Variants in ANKMY2 observed in about 807,000 individuals in gnomAD.
ANKMY2 encodes ankyrin repeat and MYND domain-containing protein 2.
ANKMY2 carries 36 observed loss-of-function variants against 50.4 expected under a neutral mutation model. That is an observed-to-expected ratio of 0.71 (90% CI 0.55 to 0.94). ANKMY2 has a LOEUF of 0.94. ANKMY2 is among the 40% of genes least tolerant of loss of function. The probability of loss-of-function intolerance (pLI) is 0.00; values close to 1 mark genes in which losing one functional copy is unlikely to be tolerated. For synonymous variants in ANKMY2, 187 were observed against 178.8 expected (o/e 1.05, Z -0.36); for missense variants, 565 against 524.0 (o/e 1.08, Z -0.76).
At chr7:16,605,260 T>C (rs1781135047) in intron 7 of ANKMY2, among the ~76,000 whole-genome samples, 1 of 152,182 alleles carries the variant, frequency 6.6e-6, no homozygotes, top group African/African-American at 2.4e-5. Context: ...TGTTTAACTG[T>C]CTTAATTCTG....
At chr7:16,606,429 TA>T (rs112705631) in intron 7 of ANKMY2, among the ~76,000 whole-genome samples, 17 of 148,454 alleles carry the variant, frequency 1.1e-4, no homozygotes, top group Admixed American at 2.0e-4. Context: ...ACCTTGTATT[TA>T]AAAAAAAAAA....
Position 16,615,865 on chromosome 7 carries a change from G to C in ANKMY2, c.410C>G (p.Pro137Arg). 6.2e-7 allele frequency: 1 copy of C among 1,613,812 alleles called. No individual in the cohort carries two copies. The highest frequency in any genetic ancestry group is 8.5e-7 in the Non-Finnish European group (1 of 1,179,932). Residue 137 changes from proline (P) to arginine (R), a missense_variant, in exon 5 of 10, where the codon CCT becomes CGT. Pro to Arg is a moderately radical substitution (Grantham distance 103, BLOSUM62 -2). Coordinates refer to ENST00000306999, the MANE Select transcript of ANKMY2 (RefSeq NM_020319.3). ...DCVTIINNFF[P>R]RERLDYYTKP... Reference sequence around the variant, plus strand: ...AGTGTAATAATCCAGTCTCTCTCGAGGAAAGAAATTGTTGATTATGGTCAC... The same window carrying C: ...AGTGTAATAATCCAGTCTCTCTCGACGAAAGAAATTGTTGATTATGGTCAC...
chr7:16,625,173 G>T (rs974970942), intron 3 of ANKMY2, 92 bp from the exon 4 acceptor site: 1 of 917,930 alleles, frequency 1.1e-6, no homozygotes, highest in Non-Finnish European at 1.7e-6. Flanking sequence ...TATTCCCCCA[G>T]TTAGTTTTAG....
intron 5 of ANKMY2, among the ~76,000 whole-genome samples, chr7:16,615,329 A>G (rs932720079): frequency 6.6e-6 from 1 of 152,164 alleles, no homozygotes; most frequent in Non-Finnish European, 1.5e-5. Flanking sequence ...TCTCCAGAGG[A>G]CTACCCTCAT....
intron 8 of ANKMY2, among the ~76,000 whole-genome samples, chr7:16,604,265 G>T (rs1781118265): frequency 6.6e-6 from 1 of 152,110 alleles, no homozygotes; most frequent in Non-Finnish European, 1.5e-5. Flanking sequence ...CAGTCCATAG[G>T]GATTAAAGAC....
intron 8 of ANKMY2, among the ~76,000 whole-genome samples, chr7:16,603,920 T>C (rs1178970826): frequency 6.6e-6 from 1 of 152,196 alleles, no homozygotes; most frequent in African/African-American, 2.4e-5. Context: ...ATGATTATCA[T>C]TTTAAGCACT....
intron 6 of ANKMY2, 111 bp downstream of exon 6, chr7:16,610,438 A>G: frequency 1.2e-6 from 1 of 809,486 alleles, no homozygotes; most frequent in Admixed American, 2.9e-5. Flanking sequence ...GAGTCCAACA[A>G]CAGCAATTGC....
chr7:16,621,442 G>C (rs1781433732), intron 4 of ANKMY2, among the ~76,000 whole-genome samples: 1 of 152,086 alleles, frequency 6.6e-6, no homozygotes, highest in Non-Finnish European at 1.5e-5. Context: ...TACCACAAAG[G>C]TGGTATTTCA....
intron 4 of ANKMY2, among the ~76,000 whole-genome samples, chr7:16,616,378 C>T (rs951111522): frequency 1.3e-5 from 2 of 152,080 alleles, no homozygotes; most frequent in Non-Finnish European, 2.9e-5. Context: ...CCCCTACCCC[C>T]TAAATTTGAG....
chr7:16,618,858 C>T (rs1185279015), intron 4 of ANKMY2, among the ~76,000 whole-genome samples: 2 of 151,986 alleles, frequency 1.3e-5, no homozygotes, highest in African/African-American at 2.4e-5. Flanking sequence ...GAAGACAAAC[C>T]GCACATGCTT....
At chr7:16,629,913 G>A (rs1354128641) in intron 2 of ANKMY2, among the ~76,000 whole-genome samples, 1 of 151,994 alleles carries the variant, frequency 6.6e-6, no homozygotes, top group Non-Finnish European at 1.5e-5. Context: ...AAATTTTGAT[G>A]CTCCATAGAG....
At chr7:16,614,636 T>C (rs1781311720) in intron 5 of ANKMY2, among the ~76,000 whole-genome samples, 1 of 152,232 alleles carries the variant, frequency 6.6e-6, no homozygotes, top group South Asian at 2.1e-4. Flanking sequence ...TGAGTGTCAG[T>C]CTTCAGAAGA....
chr7:16,599,845 C>T lies in ANKMY2; in HGVS notation c.*916G>A, dbSNP rs898950722. On this transcript the variant is annotated 3_prime_UTR_variant, in exon 10 of 10. Transcript: ENST00000306999. ...AAACCCAGAAATGCAGCATTATCTTCAGACATCACATTCTAGCTCTGTTTA... is the reference window on the plus strand; with the variant it reads ...AAACCCAGAAATGCAGCATTATCTTTAGACATCACATTCTAGCTCTGTTTA... 1 of 152,194 alleles carries T rather than the reference C, an allele frequency of 6.6e-6. No individual in the cohort carries two copies. The highest frequency in any genetic ancestry group is 2.4e-5 in the African/African-American group (1 of 41,458). 9.4% of individuals were successfully genotyped at this position (152,194 alleles called of 1,614,324 possible). A position where few individuals can be genotyped will look rare whatever the true frequency, so the allele number is the denominator to read the frequency against.
At chr7:16,605,368 T>C (rs1223114313) in intron 7 of ANKMY2, among the ~76,000 whole-genome samples, 1 of 152,226 alleles carries the variant, frequency 6.6e-6, no homozygotes, top group Non-Finnish European at 1.5e-5. Context: ...CCATTATAAT[T>C]GGTATGTTCC....
chr7:16,605,501 T>C (rs1056035005), intron 7 of ANKMY2, among the ~76,000 whole-genome samples: 3 of 151,940 alleles, frequency 2.0e-5, no homozygotes, highest in Non-Finnish European at 4.4e-5. Flanking sequence ...TTATAATTTT[T>C]ATCTATTTTT....
At chr7:16,642,346 GATTTCA>G (rs553108025) in intron 1 of ANKMY2, among the ~76,000 whole-genome samples, 223 of 152,262 alleles carry the variant, frequency 1.5e-3, no homozygotes, top group African/African-American at 5.1e-3. Flanking sequence ...ACAGTTCAGT[GATTTCA>G]ATTTCCTCTT....
chr7:16,639,530 T>C (rs1781718184), intron 1 of ANKMY2, among the ~76,000 whole-genome samples: 1 of 152,194 alleles, frequency 6.6e-6, no homozygotes, highest in African/African-American at 2.4e-5. Flanking sequence ...TCACTTTATC[T>C]GGATGAACAA....
intron 1 of ANKMY2, among the ~76,000 whole-genome samples, chr7:16,643,960 A>C (rs1338573204): frequency 6.7e-6 from 1 of 149,318 alleles, no homozygotes. Context: ...GAGAGCTGCA[A>C]CTCCAGCCTG....
chr7:16,623,682 G>C (rs1020964973), intron 4 of ANKMY2, among the ~76,000 whole-genome samples: 21 of 152,092 alleles, frequency 1.4e-4, no homozygotes, highest in African/African-American at 4.3e-4. Flanking sequence ...TCCTACTTTA[G>C]TGTTCTTTCC....
Sources: allele counts gnomAD v4.1 joint callset (sites outside exome capture counted in the v4.1 genomes callset), GRCh38; gene constraint gnomAD v4.1.1; transcripts MANE v1.5; gene names NCBI Gene and HGNC (gene_info 2026-07-23, HGNC 2026-07-21).